Variants in TENM2 observed in about 807,000 individuals in gnomAD.
TENM2 encodes the protein teneurin-2.
In TENM2, 52 loss-of-function variants were observed where a neutral mutation model predicts 245.2. The ratio of observed to expected loss-of-function variants is 0.21; its 90% CI spans 0.17 to 0.27. The LOEUF (loss-of-function observed/expected upper bound fraction) is 0.27, where lower values mean the gene tolerates loss of function less well. Among genes scored for constraint, TENM2 ranks in the 10% least tolerant of loss-of-function variants. The pLI is 1.00. For missense variants in TENM2, 3,046 were observed against 3,666.8 expected (o/e 0.83, Z 4.37); for synonymous variants, 1,363 against 1,438.9 (o/e 0.95, Z 1.19).
At chr5:167,682,409 C>T (rs1007002728) in intron 2 of TENM2, among the ~76,000 whole-genome samples, 12 of 151,912 alleles carry the variant, frequency 7.9e-5, no homozygotes, top group East Asian at 1.9e-4. Flanking sequence ...GCAACCTGCC[C>T]GCCTCAGCCT....
the TENM2 span, among the ~76,000 whole-genome samples, chr5:167,075,158 G>A: frequency 1.3e-5 from 2 of 152,092 alleles, no homozygotes; most frequent in African/African-American, 4.8e-5. Context: ...TAACCCATCT[G>A]TCCTCTCCCA....
intron 3 of TENM2, among the ~76,000 whole-genome samples, chr5:167,932,388 T>G (rs929379532): frequency 3.3e-5 from 5 of 152,164 alleles, no homozygotes; most frequent in Admixed American, 6.5e-5. Context: ...TTCTTCCATC[T>G]TACACACATG....
chr5:167,752,243 C>T (rs535468479), intron 2 of TENM2, among the ~76,000 whole-genome samples: 33 of 151,112 alleles, frequency 2.2e-4, no homozygotes, highest in East Asian at 2.0e-3. Context: ...TTCAGGTGCC[C>T]GCCACCATGC....
chr5:167,683,301 T>C (rs773896820), intron 2 of TENM2, among the ~76,000 whole-genome samples: 1 of 151,650 alleles, frequency 6.6e-6, no homozygotes, highest in African/African-American at 2.4e-5. Context: ...AGAAAGTAGA[T>C]ATGGCCCTGG....
At chr5:168,211,994 G>T (rs1332876962) in intron 20 of TENM2, among the ~76,000 whole-genome samples, 2 of 152,198 alleles carry the variant, frequency 1.3e-5, no homozygotes, top group Non-Finnish European at 2.9e-5. Context: ...TCAAGTGCAA[G>T]ATAATGAACC....
At chr5:166,988,319 A>C in the TENM2 span, among the ~76,000 whole-genome samples, 1 of 152,172 alleles carries the variant, frequency 6.6e-6, no homozygotes, top group Admixed American at 6.5e-5. Context: ...AAAAAAAGAA[A>C]GAGCTTTTGC....
At chr5:167,944,564 G>A (rs1283946004) in intron 3 of TENM2, among the ~76,000 whole-genome samples, 1 of 152,194 alleles carries the variant, frequency 6.6e-6, no homozygotes, top group Non-Finnish European at 1.5e-5. Context: ...GCAACAGACA[G>A]ATGTCGTGGT....
intron 2 of TENM2, among the ~76,000 whole-genome samples, chr5:167,383,959 T>C (rs1475186355): frequency 6.6e-6 from 1 of 152,156 alleles, no homozygotes; most frequent in Non-Finnish European, 1.5e-5. Flanking sequence ...AGACCTTTTA[T>C]TTCCCAGGTC....
chr5:167,496,542 T>C (rs1435561246), intron 2 of TENM2, among the ~76,000 whole-genome samples: 1 of 152,110 alleles, frequency 6.6e-6, no homozygotes, highest in East Asian at 1.9e-4. Context: ...TGTTACATGA[T>C]TTTAGAAGGG....
chr5:167,334,577 T>C (rs1455036015), intron 1 of TENM2, among the ~76,000 whole-genome samples: 1 of 152,204 alleles, frequency 6.6e-6, no homozygotes, highest in African/African-American at 2.4e-5. Flanking sequence ...TCTTTCTTTG[T>C]CTCTCTTTCC....
intron 7 of TENM2, among the ~76,000 whole-genome samples, chr5:168,087,049 C>G (rs1792516722): frequency 6.6e-6 from 1 of 152,210 alleles, no homozygotes; most frequent in African/African-American, 2.4e-5. Flanking sequence ...AGTTTATCCT[C>G]CCTGCATTTC....
At chr5:167,771,209 C>A (rs994994901) in intron 2 of TENM2, among the ~76,000 whole-genome samples, 2 of 152,068 alleles carry the variant, frequency 1.3e-5, no homozygotes, top group Non-Finnish European at 2.9e-5. Flanking sequence ...AAAGAAAATG[C>A]CCTCTTTTAT....
chr5:167,348,428 G>A (rs888517504), intron 1 of TENM2, among the ~76,000 whole-genome samples: 2 of 152,242 alleles, frequency 1.3e-5, no homozygotes, highest in African/African-American at 2.4e-5. Flanking sequence ...TTGACGAGCC[G>A]GCAATTCTCC....
intron 2 of TENM2, among the ~76,000 whole-genome samples, chr5:167,674,810 G>C (rs564247967): frequency 6.6e-6 from 1 of 152,192 alleles, no homozygotes; most frequent in Admixed American, 6.5e-5. Flanking sequence ...TCTAAAGCCA[G>C]AATTTAGGTT....
the TENM2 span, among the ~76,000 whole-genome samples, chr5:167,181,502 G>GTGTGTT: frequency 1.4e-5 from 2 of 144,012 alleles, no homozygotes; most frequent in Non-Finnish European, 3.0e-5. Flanking sequence ...GTGTGTGTGT[G>GTGTGTT]TATGTGTATT....
intron 2 of TENM2, among the ~76,000 whole-genome samples, chr5:167,612,255 C>A (rs1017342275): frequency 2.0e-5 from 3 of 152,090 alleles, no homozygotes; most frequent in Admixed American, 2.0e-4. Flanking sequence ...TGCTCCCACC[C>A]CTTCATTACT....
chr5:167,778,877 A>G (rs1026618817), intron 2 of TENM2, among the ~76,000 whole-genome samples: 3 of 152,206 alleles, frequency 2.0e-5, no homozygotes, highest in East Asian at 3.9e-4. Context: ...ATCTTACTTC[A>G]TCAGGATGCC....
the TENM2 span, among the ~76,000 whole-genome samples, chr5:167,228,685 G>A: frequency 1.3e-4 from 20 of 151,400 alleles, no homozygotes; most frequent in African/African-American, 4.9e-4. Flanking sequence ...CTGGACGTCT[G>A]GTGTAACAGT....
At chr5:167,965,542 C>A (rs1123570) in intron 4 of TENM2, 82,546 of 151,716 alleles carry the variant, frequency 0.54, 24,978 homozygotes, top group African/African-American at 0.83. Flanking sequence ...TGATCACACC[C>A]CTGCGCTCCA....
Sources: gnomAD v4.1 joint callset for allele counts (sites outside exome capture counted in the v4.1 genomes callset) on GRCh38, gnomAD v4.1.1 for gene constraint, MANE v1.5 for transcripts, NCBI Gene and HGNC (gene_info 2026-07-23, HGNC 2026-07-21) for gene names.